The following PCDHGA7 variants were observed in gnomAD, a reference collection of about 807,000 sequenced individuals.
The protein encoded by PCDHGA7 is protocadherin gamma-A7.
In PCDHGA7, 44 loss-of-function variants were observed where a neutral mutation model predicts 58.3. The ratio of observed to expected loss-of-function variants is 0.75; its 90% confidence interval spans 0.59 to 0.97. The LOEUF (loss-of-function observed/expected upper bound fraction) is 0.97. Among genes scored for constraint, PCDHGA7 ranks in the 50% least tolerant of loss-of-function variants. The pLI, the probability that PCDHGA7 is intolerant of heterozygous loss-of-function variation, is 0.00. For synonymous variants in PCDHGA7, 516 were observed against 504.2 expected (o/e 1.02, Z -0.31); for missense variants, 1,266 against 1,188.7 (o/e 1.06, Z -0.96).
intron 1 of PCDHGA7, chr5:141,398,744 G>C (rs1561665852): frequency 1.2e-6 from 2 of 1,613,854 alleles, no homozygotes; most frequent in East Asian, 4.5e-5. Flanking sequence ...GAACAACAGA[G>C]TTACCATCGT....
chr5:141,394,253 C>A (rs771138606), intron 1 of PCDHGA7: 1 of 1,613,986 alleles, frequency 6.2e-7, no homozygotes, highest in Admixed American at 1.7e-5. Flanking sequence ...ACGACCCCGA[C>A]AGCCAGGAGA....
At position 141,403,340 on chromosome 5, in the gene PCDHGA7, G is replaced by GC. The variant is rs1435471755; in HGVS notation, c.2424+18021dup. The GC allele has an allele frequency of 5.6e-6, 9 of 1,613,982 alleles. No homozygotes were observed. In the South Asian group the frequency reaches 9.9e-5, roughly 18 times the overall value. ...AGAAGTAACTGATATTAACGACAGCGCCCCAAAGTTCCAGGCCGAAAGTCT... is the reference window on the plus strand; with the variant it reads ...AGAAGTAACTGATATTAACGACAGCGCCCCCAAAGTTCCAGGCCGAAAGTCT... On this transcript the variant is annotated intron_variant, in intron 1 of 3. Transcript: ENST00000518325.
intron 1 of PCDHGA7, chr5:141,423,323 C>T (rs200492485): frequency 6.2e-7 from 1 of 1,614,146 alleles, no homozygotes; most frequent in East Asian, 2.2e-5. Flanking sequence ...GTGGCGGTGG[C>T]CGCAGTCTCC....
chr5:141,397,995 C>T, intron 1 of PCDHGA7: 1 of 1,367,706 alleles, frequency 7.3e-7, no homozygotes, highest in Non-Finnish European at 9.8e-7. Flanking sequence ...CCGCTTCCTC[C>T]TCGGAAAAAG....
At position 141,444,152 on chromosome 5, in the gene PCDHGA7, A is replaced by ATTTTTTTTTTT. The variant is rs747671382; in HGVS notation, c.2425-50629_2425-50619dup. 8.9e-5 allele frequency among the ~76,000 whole-genome samples: 3 copies of ATTTTTTTTTTT among 33,898 alleles called. 1 individual carries two copies. Among genetic ancestry groups the ATTTTTTTTTTT allele is most frequent in the African/African-American group, 4.2e-4 (3 of 7,184 alleles). 22.2% of individuals were successfully genotyped at this position (33,898 alleles called of 152,430 possible). On this transcript the variant is annotated intron_variant, in intron 1 of 3. Transcript: ENST00000518325. Reference sequence around the variant, plus strand: ...GATATGTGTCACTTGTGTGTACTGGATTTTTTTTTTTTTTTTTTTTTTTTT... The same window carrying ATTTTTTTTTTT: ...GATATGTGTCACTTGTGTGTACTGGATTTTTTTTTTTTTTTTTTTTTTTTTTTTTTTTTTTT...
At chr5:141,447,121 T>C (rs1341601610) in intron 1 of PCDHGA7, among the ~76,000 whole-genome samples, 1 of 152,104 alleles carries the variant, frequency 6.6e-6, no homozygotes, top group Non-Finnish European at 1.5e-5. Flanking sequence ...CTCCATGGAT[T>C]TTTTTGTTTG....
intron 1 of PCDHGA7, among the ~76,000 whole-genome samples, chr5:141,386,520 G>T (rs976508801): frequency 0.014 from 2 of 142 alleles, no homozygotes; most frequent in Non-Finnish European, 0.032. Flanking sequence ...TTCAAAAAAA[G>T]ACTCTTTTTA....
chr5:141,390,215 A>G, intron 1 of PCDHGA7: 1 of 1,614,038 alleles, frequency 6.2e-7, no homozygotes. Flanking sequence ...GACAAGACAT[A>G]CTTTGCGGTG....
Position 141,420,413 on chromosome 5 carries a change from A to G in PCDHGA7, c.2424+35090A>G, listed in dbSNP as rs191893876. 4 of 1,222,394 alleles carry G rather than the reference A, an allele frequency of 3.3e-6. No individual in the cohort carries two copies. In the Admixed American group the frequency reaches 1.1e-4, roughly 33 times the overall value. 75.7% of individuals were successfully genotyped at this position (1,222,394 alleles called of 1,614,324 possible). A position where few individuals can be genotyped will look rare whatever the true frequency, so the allele number is the denominator to read the frequency against. ...ATAGGTCAAATTTATGGTTATCATT[A>G]TTAAAACAAAAGTTTAAATTAAATG... On this transcript the variant is annotated intron_variant, in intron 1 of 3. Transcript: ENST00000518325.
rs1025985501 is a variant in PCDHGA7 at position 141,432,385 on chromosome 5, C to G, written c.2424+47062C>G. 2.5e-6 allele frequency: 4 copies of G among 1,614,138 alleles called. No homozygotes were observed. In the African/African-American group the frequency reaches 5.3e-5, roughly 22 times the overall value. Reference sequence around the variant, plus strand: ...CGCGGGACAACGGGCACCCGCCCCTCAGCAGCAACGTGTCGTTGAGCCTGT... The same window carrying G: ...CGCGGGACAACGGGCACCCGCCCCTGAGCAGCAACGTGTCGTTGAGCCTGT... On this transcript the variant is annotated intron_variant, in intron 1 of 3. Transcript: ENST00000518325. The surrounding 1 kb of genome is among the most constrained non-coding windows in gnomAD (Gnocchi z 6.0).
chr5:141,485,995 T>G lies in PCDHGA7; in HGVS notation c.2425-8812T>G. 1 of 1,614,176 alleles carries G rather than the reference T, an allele frequency of 6.2e-7. No individual in the cohort carries two copies. On this transcript the variant is annotated intron_variant, in intron 1 of 3. Transcript: ENST00000518325. The surrounding 1 kb of genome is among the most constrained non-coding windows in gnomAD (Gnocchi z 5.7). ...CCTCAGACCCGGACCTGGGTCCCAG[T>G]GGTAACGTCACCTTTTATTTCAGTG...
At chr5:141,406,072 C>CT (rs530474569) in intron 1 of PCDHGA7, among the ~76,000 whole-genome samples, 26,413 of 141,282 alleles carry the variant, frequency 0.19, 2,878 homozygotes, top group African/African-American at 0.31. Context: ...ATTCTTACTC[C>CT]TTTTTTTTTT....
At chr5:141,426,586 G>A (rs2096944939) in intron 1 of PCDHGA7, 1 of 363,442 alleles carries the variant, frequency 2.8e-6, no homozygotes, top group African/African-American at 2.1e-5. Flanking sequence ...AAAATCCTCT[G>A]TGTCATACCC....
intron 1 of PCDHGA7, among the ~76,000 whole-genome samples, chr5:141,472,266 G>A (rs931951683): frequency 2.0e-5 from 3 of 152,198 alleles, no homozygotes. Flanking sequence ...TTATAGCCGG[G>A]CACAGTGGCT....
At chr5:141,436,691 A>G (rs2097840863) in intron 1 of PCDHGA7, among the ~76,000 whole-genome samples, 1 of 152,226 alleles carries the variant, frequency 6.6e-6, no homozygotes, top group Admixed American at 6.5e-5. Context: ...TATATTTTCA[A>G]TGCCAGCACA....
At chr5:141,467,846 A>G (rs984687278) in intron 1 of PCDHGA7, among the ~76,000 whole-genome samples, 2 of 151,926 alleles carry the variant, frequency 1.3e-5, no homozygotes, top group Non-Finnish European at 2.9e-5. Context: ...TTTTTGTAGA[A>G]TGAGATTTCA....
At chr5:141,403,276 C>G in intron 1 of PCDHGA7, 7 of 1,613,844 alleles carry the variant, frequency 4.3e-6, no homozygotes, top group Non-Finnish European at 5.1e-6. Context: ...ACTTTAAAGT[C>G]CTGGTTGAAG....
chr5:141,447,681 C>T (rs2098548531), intron 1 of PCDHGA7, among the ~76,000 whole-genome samples: 1 of 152,066 alleles, frequency 6.6e-6, no homozygotes, highest in African/African-American at 2.4e-5. Flanking sequence ...TGTTCCATAT[C>T]TTGATAGAGG....
chr5:141,508,507 TGGTCCAGCCCAACCTCAG>T (rs1377043623), intron 3 of PCDHGA7, among the ~76,000 whole-genome samples: 1 of 152,178 alleles, frequency 6.6e-6, no homozygotes, highest in Non-Finnish European at 1.5e-5. Flanking sequence ...CTCTCCCTCC[TGGTCCAGCCCAACCTCAG>T]GGCACCCCCC....
Sources: allele counts gnomAD v4.1 joint callset (sites outside exome capture counted in the v4.1 genomes callset), GRCh38; gene constraint gnomAD v4.1.1; non-coding constraint Gnocchi (gnomAD v3.1); transcripts MANE v1.5; gene names NCBI Gene and HGNC (gene_info 2026-07-23, HGNC 2026-07-21).